The following PPP2R2D variants were observed in gnomAD, a reference collection of about 807,000 sequenced individuals.
PPP2R2D encodes protein phosphatase 2 regulatory subunit Bdelta, also known as serine/threonine-protein phosphatase 2A 55 kDa regulatory subunit B delta isoform.
PPP2R2D carries 9 observed loss-of-function variants against 31.1 expected under a neutral mutation model. That is an observed-to-expected ratio of 0.29 (90% CI 0.17 to 0.51). PPP2R2D has a LOEUF of 0.51. Ranked by LOEUF, PPP2R2D falls within the 20% of genes least tolerant of loss-of-function variation. PPP2R2D has a pLI of 0.98. For missense variants in PPP2R2D, 391 were observed against 465.6 expected, an observed-to-expected ratio of 0.84 and a Z score of 1.48; for synonymous variants, 179 against 172.6, an observed-to-expected ratio of 1.04 and a Z score of -0.29.
intron 8 of PPP2R2D, among the ~76,000 whole-genome samples, chr10:131,948,932 C>T (rs1048962084): frequency 6.6e-6 from 1 of 152,218 alleles, no homozygotes; most frequent in Non-Finnish European, 1.5e-5. Flanking sequence ...GTGGCCAGCA[C>T]TGCCCTGAGA....
intron 5 of PPP2R2D, among the ~76,000 whole-genome samples, chr10:131,943,064 C>T (rs1554897410): frequency 1.3e-5 from 2 of 152,178 alleles, no homozygotes; most frequent in East Asian, 3.9e-4. Context: ...AAAATACTAT[C>T]ATTAATTTTT....
At chr10:131,923,987 T>G (rs187574912) in intron 2 of PPP2R2D, among the ~76,000 whole-genome samples, 1 of 152,326 alleles carries the variant, frequency 6.6e-6, no homozygotes, top group Admixed American at 6.5e-5. Context: ...CTTGAATTCC[T>G]GGGGTTACAG....
chr10:131,940,852 A>G, intron 5 of PPP2R2D, 158 bp downstream of exon 5: 1 of 530,752 alleles, frequency 1.9e-6, no homozygotes, highest in Non-Finnish European at 3.4e-6. Flanking sequence ...GTGTGTGTTT[A>G]AAAGCAAGGT....
intron 8 of PPP2R2D, among the ~76,000 whole-genome samples, chr10:131,954,609 G>T (rs2036758350): frequency 6.6e-6 from 1 of 150,878 alleles, no homozygotes; most frequent in South Asian, 2.1e-4. Context: ...GCTGAATGCA[G>T]TTTCTCTTCT....
intron 2 of PPP2R2D, among the ~76,000 whole-genome samples, chr10:131,901,912 T>C (rs1177067012): frequency 6.6e-6 from 1 of 152,272 alleles, no homozygotes; most frequent in Non-Finnish European, 1.5e-5. Flanking sequence ...GAGGTACTGC[T>C]ACTTTCTCTA....
chr10:131,964,392 G>A (rs1482907816), downstream of PPP2R2D, among the ~76,000 whole-genome samples: 4 of 151,280 alleles, frequency 2.6e-5, no homozygotes, highest in Non-Finnish European at 5.9e-5. Context: ...AGGGCTGGCC[G>A]TGCACACAGC....
At chr10:131,920,853 C>G (rs1487431961) in intron 2 of PPP2R2D, among the ~76,000 whole-genome samples, 1 of 152,114 alleles carries the variant, frequency 6.6e-6, no homozygotes, top group Admixed American at 6.5e-5. Flanking sequence ...CACTTGAACC[C>G]GGGAGGTGGA....
intron 2 of PPP2R2D, among the ~76,000 whole-genome samples, chr10:131,925,128 G>A (rs892010150): frequency 9.2e-5 from 14 of 152,062 alleles, no homozygotes; most frequent in Non-Finnish European, 1.9e-4. Context: ...TTTTTAATCT[G>A]GATGCCTTTT....
At chr10:131,908,637 G>A (rs2035635042) in intron 2 of PPP2R2D, among the ~76,000 whole-genome samples, 1 of 152,212 alleles carries the variant, frequency 6.6e-6, no homozygotes, top group Non-Finnish European at 1.5e-5. Context: ...GTTAACTTGG[G>A]AAGTTACTTA....
chr10:131,908,983 A>G (rs987229882), intron 2 of PPP2R2D, among the ~76,000 whole-genome samples: 3 of 152,236 alleles, frequency 2.0e-5, no homozygotes, highest in Non-Finnish European at 2.9e-5. Context: ...GGACACAGAC[A>G]AGCAGGTGGG....
At chr10:131,906,692 G>T (rs1046457647) in intron 2 of PPP2R2D, among the ~76,000 whole-genome samples, 1 of 151,572 alleles carries the variant, frequency 6.6e-6, no homozygotes, top group Non-Finnish European at 1.5e-5. Context: ...AGGCCAAGAT[G>T]GCAGGATCCC....
chr10:131,903,643 G>A (rs914361669), intron 2 of PPP2R2D, among the ~76,000 whole-genome samples: 59 of 152,204 alleles, frequency 3.9e-4, no homozygotes, highest in African/African-American at 1.3e-3. Flanking sequence ...GTAATTATCT[G>A]CATGTGTTTT....
chr10:131,943,552 G>A (rs1004526806), intron 5 of PPP2R2D, among the ~76,000 whole-genome samples: 18 of 152,164 alleles, frequency 1.2e-4, no homozygotes, highest in Non-Finnish European at 2.1e-4. Flanking sequence ...TCCTAGTGCA[G>A]TGAGAAGAGG....
In PPP2R2D at chr10:131,956,589, A is replaced by G. The variant is rs2036804366; in HGVS notation, c.*626A>G. On this transcript the variant is annotated 3_prime_UTR_variant, in exon 9 of 9. Coordinates refer to ENST00000455566, the MANE Select transcript of PPP2R2D (RefSeq NM_018461.5). ...TTTTTATTTAATTTTATTGCATAGA[A>G]TGAAGTTATGCAGGGTTCTTCTTTG... 1.0e-6 allele frequency: 1 copy of G among 975,576 alleles called. No individual in the cohort carries two copies. Among genetic ancestry groups the G allele is most frequent in the Non-Finnish European group, 1.2e-6 (1 of 820,968 alleles). The allele number at this position is 975,576 out of a possible 1,614,324, so 60.4% of individuals were successfully genotyped here. A position where few individuals can be genotyped will look rare whatever the true frequency, so the allele number is the denominator to read the frequency against.
Position 131,940,618 on chromosome 10 carries a change from A to T in PPP2R2D, c.401A>T (p.Asp134Val), listed in dbSNP as rs1218468205. The stretch of plus-strand genomic sequence containing the variant: ...AAATTATGGAAAATAAGTGAACGGG[A>T]TAAAAGAGCAGAAGGTTATAACCTG... ...TIKLWKISER[D>V]KRAEGYNLKD... The change falls in exon 5 of 9, where the codon GAT (aspartate) becomes GTT (valine). Residue 134 changes from aspartate (D) to valine (V), a missense_variant. Coordinates refer to ENST00000455566, the MANE Select transcript of PPP2R2D (RefSeq NM_018461.5). 3.9e-6 allele frequency: 3 copies of T among 776,432 alleles called. No individual in the cohort carries two copies. In the South Asian group the frequency reaches 4.1e-5, roughly 11 times the overall value. The allele number at this position is 776,432 out of a possible 1,614,324, so 48.1% of individuals were successfully genotyped here.
At chr10:131,940,432 A>G in intron 4 of PPP2R2D, 150 bp from the exon 5 acceptor site, 1 of 603,360 alleles carries the variant, frequency 1.7e-6, no homozygotes. Flanking sequence ...ATTGTACAAA[A>G]CACCTCCAAT....
At chr10:131,919,932 T>G (rs2035937340) in intron 2 of PPP2R2D, among the ~76,000 whole-genome samples, 2 of 136,178 alleles carry the variant, frequency 1.5e-5, no homozygotes, top group African/African-American at 5.7e-5. Context: ...GACACAGTGT[T>G]TGTAGGGACC....
At position 131,959,658 on chromosome 10, in the gene PPP2R2D, A is replaced by T. The variant is rs1554901135; in HGVS notation, c.*3695A>T. 1 of 152,694 alleles carries T rather than the reference A, an allele frequency of 6.5e-6. No homozygotes were observed. The highest frequency in any genetic ancestry group is 1.9e-4 in the East Asian group (1 of 5,196). 9.5% of individuals were successfully genotyped at this position (152,694 alleles called of 1,614,324 possible). ...AAAGGTACCTTTATTTTAACTAAAA[A>T]ATAATTTATATACTGTATATTGATT... On this transcript the variant is annotated 3_prime_UTR_variant, in exon 9 of 9. Coordinates refer to ENST00000455566, the MANE Select transcript of PPP2R2D (RefSeq NM_018461.5).
At chr10:131,952,826 GTGT>G (rs1554899137) in intron 8 of PPP2R2D, among the ~76,000 whole-genome samples, 1 of 86,486 alleles carries the variant, frequency 1.2e-5, no homozygotes, top group Non-Finnish European at 2.3e-5. Context: ...GCGGGTGTGT[GTGT>G]GGGGTTCACT....
Sources: gnomAD v4.1 joint callset for allele counts (sites outside exome capture counted in the v4.1 genomes callset) on GRCh38, gnomAD v4.1.1 for gene constraint, MANE v1.5 for transcripts, NCBI Gene and HGNC (gene_info 2026-07-23, HGNC 2026-07-21) for gene names.